MYT1L: variants seen among roughly 807,000 people sequenced by gnomAD.
MYT1L encodes myelin transcription factor 1-like protein.
MYT1L carries 12 observed loss-of-function variants against 126.7 expected under a neutral mutation model. That is an observed-to-expected ratio of 0.09 (90% CI 0.06 to 0.15). The LOEUF is 0.15. Ranked by LOEUF, MYT1L falls within the 10% of genes least tolerant of loss-of-function variation. The pLI, the probability that MYT1L is intolerant of heterozygous loss-of-function variation, is 1.00. For missense variants in MYT1L, 979 were observed against 1,585.2 expected, an observed-to-expected ratio of 0.62 and a Z score of 6.49; for synonymous variants, 541 against 604.2, an observed-to-expected ratio of 0.90 and a Z score of 1.53.
intron 2 of MYT1L, among the ~76,000 whole-genome samples, chr2:2,241,264 A>G (rs1226701130): frequency 1.5e-5 from 2 of 131,466 alleles, no homozygotes; most frequent in African/African-American, 5.9e-5. Context: ...GTTTCTTGTA[A>G]AATACATCTT....
intron 3 of MYT1L, among the ~76,000 whole-genome samples, chr2:2,142,540 C>T (rs547818739): frequency 1.2e-4 from 18 of 152,186 alleles, no homozygotes; most frequent in Admixed American, 5.2e-4. Context: ...TGTACATGTT[C>T]CCATCTGGAG....
At chr2:2,323,594 T>C (rs2096206217) in intron 1 of MYT1L, among the ~76,000 whole-genome samples, 1 of 152,192 alleles carries the variant, frequency 6.6e-6, no homozygotes, top group Non-Finnish European at 1.5e-5. Flanking sequence ...GTCACAGAAT[T>C]ATATAAGAAA....
At chr2:1,827,249 C>G (rs1470537251) in intron 21 of MYT1L, 1 of 152,262 alleles carries the variant, frequency 6.6e-6, no homozygotes, top group African/African-American at 2.4e-5. Flanking sequence ...TGGAAATGCT[C>G]TCTGTCTCCC....
At chr2:1,916,629 C>T (rs1301857943) in intron 11 of MYT1L, among the ~76,000 whole-genome samples, 1 of 152,178 alleles carries the variant, frequency 6.6e-6, no homozygotes, top group East Asian at 1.9e-4. Context: ...AAAAAGAATG[C>T]TTAAGATCAA....
chr2:2,285,374 C>A (rs1183993490), intron 1 of MYT1L, among the ~76,000 whole-genome samples: 1 of 152,176 alleles, frequency 6.6e-6, no homozygotes, highest in Non-Finnish European at 1.5e-5. Context: ...ATGCACAGAC[C>A]AGGAAGTTTC....
At chr2:1,872,183 T>C (rs890531520) in intron 18 of MYT1L, among the ~76,000 whole-genome samples, 2 of 152,104 alleles carry the variant, frequency 1.3e-5, no homozygotes, top group East Asian at 3.9e-4. Flanking sequence ...GGGAGGAGAT[T>C]TCTGGATGTC....
At chr2:1,908,111 C>T (rs1300789671) in intron 13 of MYT1L, among the ~76,000 whole-genome samples, 1 of 152,236 alleles carries the variant, frequency 6.6e-6, no homozygotes, top group Non-Finnish European at 1.5e-5. Context: ...GCTGCAGCTG[C>T]ACAGTAGTTA....
rs1366940370 is a variant in MYT1L at position 1,887,073 on chromosome 2, G to A, written c.2642+415C>T. On this transcript the variant is annotated intron_variant, in intron 17 of 24. Coordinates refer to ENST00000647738, the MANE Select transcript of MYT1L (RefSeq NM_001303052.2). This position sits in a 1 kb window ranked among gnomAD's most constrained non-coding sequence, Gnocchi z 4.8. ...TGAAGTCACACCTTCTGTGTGAGGC[G>A]TAATTACCAGTCACATGACCACTCC... 2.5e-5 allele frequency: 10 copies of A among 407,426 alleles called. No homozygotes were observed. Among genetic ancestry groups the A allele is most frequent in the Non-Finnish European group, 4.3e-5 (10 of 231,980 alleles). 25.2% of individuals were successfully genotyped at this position (407,426 alleles called of 1,614,324 possible). A position where few individuals can be genotyped will look rare whatever the true frequency, so the allele number is the denominator to read the frequency against.
intron 13 of MYT1L, among the ~76,000 whole-genome samples, chr2:1,909,312 T>A (rs1449070494): frequency 6.6e-6 from 1 of 152,100 alleles, no homozygotes; most frequent in Admixed American, 6.6e-5. Flanking sequence ...ATTATTGCCC[T>A]CTCTTTAATA....
chr2:1,794,595 A>G (rs1202823490), intron 23 of MYT1L, among the ~76,000 whole-genome samples: 1 of 152,132 alleles, frequency 6.6e-6, no homozygotes, highest in Non-Finnish European at 1.5e-5. Flanking sequence ...CCCCAGCAAA[A>G]TTCTTGGGGA....
At chr2:2,183,120 G>A (rs572737755) in intron 2 of MYT1L, among the ~76,000 whole-genome samples, 1 of 152,166 alleles carries the variant, frequency 6.6e-6, no homozygotes, top group Non-Finnish European at 1.5e-5. Context: ...AAAGCATGGA[G>A]CAGTTGGAGG....
chr2:2,252,363 G>A lies in MYT1L; in HGVS notation c.-421+32041C>T, dbSNP rs188164466. Among the ~76,000 whole-genome samples the A allele has an allele frequency of 4.6e-5, 7 of 152,166 alleles. No homozygotes were observed. In the South Asian group the frequency reaches 6.2e-4, roughly 14 times the overall value. On this transcript the variant is annotated intron_variant, in intron 2 of 24. Coordinates refer to ENST00000647738, the MANE Select transcript of MYT1L (RefSeq NM_001303052.2). ...TCTTTCTGAACCCAGGAAACCTCTC[G>A]GGATCTCAGCTCCAGCCCTGGTCTG... is the stretch of plus-strand genomic sequence containing the variant.
At chr2:2,104,717 A>G (rs2078534726) in intron 3 of MYT1L, among the ~76,000 whole-genome samples, 1 of 152,220 alleles carries the variant, frequency 6.6e-6, no homozygotes, top group Non-Finnish European at 1.5e-5. Flanking sequence ...ATGTTACCTT[A>G]GGAAACACTC....
At chr2:2,279,700 T>C (rs1450013840) in intron 2 of MYT1L, among the ~76,000 whole-genome samples, 1 of 152,194 alleles carries the variant, frequency 6.6e-6, no homozygotes, top group Non-Finnish European at 1.5e-5. Flanking sequence ...TTCAAGTTTG[T>C]TGGCCAGGTA....
intron 1 of MYT1L, among the ~76,000 whole-genome samples, chr2:2,306,905 A>G (rs1223396760): frequency 1.3e-5 from 2 of 152,210 alleles, no homozygotes; most frequent in Admixed American, 6.5e-5. Flanking sequence ...GTAGACAATG[A>G]TAAGGATCAT....
At position 1,806,541 on chromosome 2, in the gene MYT1L, C is replaced by T. The variant is rs530868118; in HGVS notation, c.3172+2535G>A. ...GTTCCTCTAGTTTAGAGTCACAGAC[C>T]AACTGCTTATCTTTATCCCTCCGAG... On this transcript the variant is annotated intron_variant, in intron 22 of 24. Transcript: ENST00000647738. This position sits in a 1 kb window ranked among gnomAD's most constrained non-coding sequence, Gnocchi z 4.9. Among the ~76,000 whole-genome samples, 19 of 152,308 alleles carry T rather than the reference C, an allele frequency of 1.2e-4. No individual in the cohort carries two copies. The East Asian group carries it at 2.7e-3, about 22-fold the overall frequency.
Position 1,857,022 on chromosome 2 carries a change from C to G in MYT1L, c.2712-5319G>C, listed in dbSNP as rs182268858. ...CACCATCACCTGCAGAGCAAGTGCA[C>G]GCGGAGGCTCAGAGGCCACAGGCCT... On this transcript the variant is annotated intron_variant, in intron 18 of 24. Transcript: ENST00000647738. Among the ~76,000 whole-genome samples the G allele has an allele frequency of 3.6e-3, 544 of 152,286 alleles. 2 individuals are homozygous for G. The highest frequency in any genetic ancestry group is 0.013 in the African/African-American group (520 of 41,568).
At chr2:2,109,917 A>ATATATAT (rs1305525007) in intron 3 of MYT1L, among the ~76,000 whole-genome samples, 1 of 120,686 alleles carries the variant, frequency 8.3e-6, no homozygotes, top group African/African-American at 3.0e-5. Context: ...ATATATATAT[A>ATATATAT]TATATATCCC....
intron 5 of MYT1L, among the ~76,000 whole-genome samples, chr2:1,987,010 A>G (rs1204106468): frequency 6.6e-6 from 1 of 152,202 alleles, no homozygotes; most frequent in Non-Finnish European, 1.5e-5. Context: ...TTGTTGGTAA[A>G]ATAGATGTTG....
Sources: gnomAD v4.1 joint callset for allele counts (sites outside exome capture counted in the v4.1 genomes callset) on GRCh38, gnomAD v4.1.1 for gene constraint, Gnocchi (gnomAD v3.1) non-coding constraint, MANE v1.5 for transcripts, NCBI Gene and HGNC (gene_info 2026-07-23, HGNC 2026-07-21) for gene names.